The following MAF variants were observed in gnomAD, a reference collection of about 807,000 sequenced individuals.
MAF encodes the protein transcription factor Maf.
A neutral mutation model predicts 22.0 loss-of-function variants in MAF; 10 were observed. The observed-to-expected ratio is 0.45, with a 90% CI of 0.28 to 0.77. The LOEUF (loss-of-function observed/expected upper bound fraction) is 0.77, where lower values mean the gene tolerates loss of function less well. Among genes scored for constraint, MAF ranks in the 30% least tolerant of loss-of-function variants. The pLI is 0.12. For missense variants in MAF, 544 were observed against 548.4 expected, an observed-to-expected ratio of 0.99 and a Z score of 0.08; for synonymous variants, 337 against 255.8, an observed-to-expected ratio of 1.32 and a Z score of -3.03.
chr16:79,208,018 T>C, the MAF span, among the ~76,000 whole-genome samples: 2 of 152,216 alleles, frequency 1.3e-5, no homozygotes, highest in African/African-American at 2.4e-5. Context: ...AGCAACTGCT[T>C]TCTAAATCCC....
At chr16:79,458,592 G>C in the MAF span, among the ~76,000 whole-genome samples, 1 of 152,166 alleles carries the variant, frequency 6.6e-6, no homozygotes, top group Non-Finnish European at 1.5e-5. Context: ...AGAGGTGAAA[G>C]TCTACTCTTT....
Position 79,599,908 on chromosome 16 carries a change from TGCC to T in MAF, c.-9_-7del, listed in dbSNP as rs5818251. 1,108,639 of 1,551,450 alleles carry T rather than the reference TGCC, an allele frequency of 0.71. 384,130 individuals carry two copies. The highest frequency in any genetic ancestry group is 0.88 in the East Asian group (37,514 of 42,478). On this transcript the variant is annotated 5_prime_UTR_variant, in exon 1 of 2. Coordinates refer to ENST00000326043, the MANE Select transcript of MAF (RefSeq NM_005360.5). ...ATTGCCAGTTCTGATGCCATTCTCC[TGCC>T]GCCGCCGCCGCCGCCGCCGCCGCTC...
chr16:79,321,392 C>T, the MAF span, among the ~76,000 whole-genome samples: 1 of 152,134 alleles, frequency 6.6e-6, no homozygotes, highest in Non-Finnish European at 1.5e-5. Flanking sequence ...TCTAGTATGT[C>T]CCAAATATCA....
chr16:79,244,216 G>C, the MAF span, among the ~76,000 whole-genome samples: 1 of 151,982 alleles, frequency 6.6e-6, no homozygotes, highest in Non-Finnish European at 1.5e-5. Context: ...TTCTGGCCAG[G>C]ACAATCAGAC....
chr16:79,524,952 A>G, the MAF span, among the ~76,000 whole-genome samples: 2 of 152,320 alleles, frequency 1.3e-5, no homozygotes, highest in East Asian at 3.9e-4. Context: ...GTAGAGCAGC[A>G]TTAGGTTACT....
At chr16:79,590,443 C>T (rs1383215685), downstream of MAF, among the ~76,000 whole-genome samples, 1 of 152,124 alleles carries the variant, frequency 6.6e-6, no homozygotes, top group Non-Finnish European at 1.5e-5. Context: ...CTTATTGGGT[C>T]CCAGATCTCA....
the MAF span, among the ~76,000 whole-genome samples, chr16:79,254,249 C>G: frequency 1.3e-5 from 2 of 152,076 alleles, no homozygotes. Flanking sequence ...ATCATTCTCT[C>G]CCTGCCTCTT....
the MAF span, among the ~76,000 whole-genome samples, chr16:79,482,369 G>A: frequency 2.0e-4 from 30 of 152,262 alleles, no homozygotes; most frequent in East Asian, 2.3e-3. Context: ...GCTTACCACC[G>A]CCTTCTGCCC....
At chr16:79,508,686 T>TAAAGGA in the MAF span, among the ~76,000 whole-genome samples, 1 of 152,150 alleles carries the variant, frequency 6.6e-6, no homozygotes, top group Non-Finnish European at 1.5e-5. Context: ...ACAGACTACA[T>TAAAGGA]AAAGGAAAAT....
the MAF span, among the ~76,000 whole-genome samples, chr16:79,573,916 C>A: frequency 1.3e-5 from 2 of 152,182 alleles, no homozygotes; most frequent in Non-Finnish European, 2.9e-5. Flanking sequence ...TTGGTCATTT[C>A]ACAAACTTTT....
chr16:79,272,351 C>T, the MAF span, among the ~76,000 whole-genome samples: 1 of 152,248 alleles, frequency 6.6e-6, no homozygotes, highest in African/African-American at 2.4e-5. Context: ...CCTAAGCCCC[C>T]TTTAGTACGA....
At chr16:79,463,458 A>T in the MAF span, among the ~76,000 whole-genome samples, 3 of 152,206 alleles carry the variant, frequency 2.0e-5, no homozygotes, top group African/African-American at 7.2e-5. Context: ...TTAAAATTCC[A>T]TGTCTCATAT....
the MAF span, among the ~76,000 whole-genome samples, chr16:79,270,513 C>T: frequency 6.6e-6 from 1 of 152,308 alleles, no homozygotes; most frequent in African/African-American, 2.4e-5. Flanking sequence ...AATCCATCAT[C>T]TCTCTGCTCC....
At chr16:79,340,066 C>G in the MAF span, among the ~76,000 whole-genome samples, 1 of 152,168 alleles carries the variant, frequency 6.6e-6, no homozygotes, top group African/African-American at 2.4e-5. Context: ...ACTAAAGTGC[C>G]TGTTCATCCA....
chr16:79,535,948 G>T, the MAF span, among the ~76,000 whole-genome samples: 1 of 152,194 alleles, frequency 6.6e-6, no homozygotes, highest in Non-Finnish European at 1.5e-5. Flanking sequence ...GGACAGAGTT[G>T]CGTATTCATC....
Position 79,595,707 on chromosome 16 carries a change from C to G in MAF, c.1119-1154G>C, listed in dbSNP as rs1323960279. On this transcript the variant is annotated intron_variant, in intron 1 of 1. Transcript: ENST00000326043. ...AAATACCAGTAAATCAAAGCACAGCCTATATTCCACACAGGTATTATTTTT... is the reference window on the plus strand; with the variant it reads ...AAATACCAGTAAATCAAAGCACAGCGTATATTCCACACAGGTATTATTTTT... The G allele has an allele frequency of 2.8e-6, 3 of 1,057,740 alleles. No homozygotes were observed. In the African/African-American group the frequency reaches 4.9e-5, roughly 17 times the overall value. The allele number at this position is 1,057,740 out of a possible 1,614,324, so 65.5% of individuals were successfully genotyped here. A position where few individuals can be genotyped will look rare whatever the true frequency, so the allele number is the denominator to read the frequency against.
At chr16:79,476,482 A>C in the MAF span, among the ~76,000 whole-genome samples, 12 of 152,216 alleles carry the variant, frequency 7.9e-5, no homozygotes, top group Admixed American at 1.3e-4. Flanking sequence ...CGACATTTGA[A>C]AGAGTGAAGT....
chr16:79,312,246 C>A, the MAF span, among the ~76,000 whole-genome samples: 5 of 152,162 alleles, frequency 3.3e-5, no homozygotes, highest in Non-Finnish European at 5.9e-5. Flanking sequence ...CCTGTCTGCA[C>A]AGAGTTTTGT....
the MAF span, among the ~76,000 whole-genome samples, chr16:79,422,179 T>A: frequency 6.6e-6 from 1 of 152,140 alleles, no homozygotes; most frequent in Non-Finnish European, 1.5e-5. Flanking sequence ...AGCTGATGTG[T>A]TATTTTGGGT....
Sources: allele counts gnomAD v4.1 joint callset (sites outside exome capture counted in the v4.1 genomes callset), GRCh38; gene constraint gnomAD v4.1.1; transcripts MANE v1.5; gene names NCBI Gene and HGNC (gene_info 2026-07-23, HGNC 2026-07-21).